Variants in ANGPT1 observed in about 807,000 individuals in gnomAD.
ANGPT1 encodes the protein angiopoietin 1.
A neutral mutation model predicts 62.2 loss-of-function variants in ANGPT1; 17 were observed. The ratio of observed to expected loss-of-function variants is 0.27; its 90% CI spans 0.19 to 0.41. ANGPT1 has a LOEUF of 0.41. ANGPT1 is among the 10% of genes least tolerant of loss of function. The probability of loss-of-function intolerance (pLI) is 1.00; values close to 1 mark genes in which losing one functional copy is unlikely to be tolerated. For missense variants in ANGPT1, 478 were observed against 594.9 expected, an observed-to-expected ratio of 0.80 and a Z score of 2.04; for synonymous variants, 199 against 198.9, an observed-to-expected ratio of 1.00 and a Z score of 0.00.
chr8:107,431,257 A>C (rs769944677), intron 1 of ANGPT1, among the ~76,000 whole-genome samples: 67 of 152,358 alleles, frequency 4.4e-4, no homozygotes, highest in Middle Eastern at 3.4e-3. Context: ...AGCATAAAAA[A>C]AATTGACTGT....
chr8:107,271,409 GT>G (rs1443946710), intron 7 of ANGPT1, among the ~76,000 whole-genome samples: 1 of 151,952 alleles, frequency 6.6e-6, no homozygotes, highest in Non-Finnish European at 1.5e-5. Flanking sequence ...AAAATATACA[GT>G]AGTTCAATAG....
chr8:107,286,544 CGTTTTATTTTTTTTTATTA>C (rs543019096), intron 6 of ANGPT1, among the ~76,000 whole-genome samples: 28 of 151,906 alleles, frequency 1.8e-4, no homozygotes, highest in Non-Finnish European at 2.1e-4. Flanking sequence ...CTTTGGCCCT[CGTTTTATTTTTTTTTATTA>C]ATGGGTATGT....
At chr8:107,365,421 C>T (rs776378765) in intron 1 of ANGPT1, among the ~76,000 whole-genome samples, 3 of 152,122 alleles carry the variant, frequency 2.0e-5, no homozygotes, top group Admixed American at 6.6e-5. Context: ...TAACTAAAAA[C>T]GTCCTTGTGG....
intron 1 of ANGPT1, among the ~76,000 whole-genome samples, chr8:107,408,235 T>G (rs932677804): frequency 2.6e-5 from 4 of 152,194 alleles, no homozygotes; most frequent in African/African-American, 9.6e-5. Context: ...AACTTCTAAA[T>G]GTTTGCTATT....
At chr8:107,450,058 G>T (rs1436816827) in intron 1 of ANGPT1, among the ~76,000 whole-genome samples, 1 of 151,942 alleles carries the variant, frequency 6.6e-6, no homozygotes, top group African/African-American at 2.4e-5. Context: ...TTGATTAAGG[G>T]CACAAAATTA....
intron 7 of ANGPT1, among the ~76,000 whole-genome samples, chr8:107,279,413 A>G (rs1813943708): frequency 6.6e-6 from 1 of 152,196 alleles, no homozygotes; most frequent in Non-Finnish European, 1.5e-5. Context: ...GAATAAACAT[A>G]TACTATATCT....
chr8:107,387,326 A>C (rs1211051608), intron 1 of ANGPT1, among the ~76,000 whole-genome samples: 2 of 152,098 alleles, frequency 1.3e-5, no homozygotes, highest in African/African-American at 2.4e-5. Context: ...ACAAAATAGG[A>C]GTTGCTAACT....
chr8:107,353,538 G>A (rs1264378302), intron 1 of ANGPT1, among the ~76,000 whole-genome samples: 3 of 152,044 alleles, frequency 2.0e-5, no homozygotes, highest in Non-Finnish European at 4.4e-5. Flanking sequence ...TTCTTTGCTG[G>A]ACTCTGTTCT....
chr8:107,463,240 G>C (rs1469551552), intron 1 of ANGPT1, among the ~76,000 whole-genome samples: 1 of 152,082 alleles, frequency 6.6e-6, no homozygotes, highest in Non-Finnish European at 1.5e-5. Flanking sequence ...ACAAGAAGCT[G>C]AATCCGAGTG....
At chr8:107,312,044 A>G (rs540971780) in intron 4 of ANGPT1, among the ~76,000 whole-genome samples, 6 of 150,500 alleles carry the variant, frequency 4.0e-5, no homozygotes, top group African/African-American at 1.5e-4. Flanking sequence ...AGCCTGGGCG[A>G]CAGAGCGAGA....
At chr8:107,279,796 G>A (rs1305922984) in intron 7 of ANGPT1, among the ~76,000 whole-genome samples, 2 of 151,858 alleles carry the variant, frequency 1.3e-5, no homozygotes, top group Non-Finnish European at 2.9e-5. Context: ...GAGAGCACAA[G>A]TTAAAGATAG....
intron 7 of ANGPT1, among the ~76,000 whole-genome samples, chr8:107,272,851 T>C (rs962737075): frequency 3.3e-5 from 5 of 149,642 alleles, no homozygotes; most frequent in African/African-American, 1.2e-4. Context: ...ATAAGATAAA[T>C]AGTTATTCCA....
chr8:107,324,147 C>CA (rs1159031647), intron 3 of ANGPT1, among the ~76,000 whole-genome samples: 7,544 of 105,782 alleles, frequency 0.071, 635 homozygotes, highest in African/African-American at 0.23. Flanking sequence ...GCCCCCCAGC[C>CA]AAAAAAAAAA....
chr8:107,396,955 G>A (rs986084667), intron 1 of ANGPT1, among the ~76,000 whole-genome samples: 3 of 152,114 alleles, frequency 2.0e-5, no homozygotes, highest in African/African-American at 4.8e-5. Flanking sequence ...CTAGTAGTGA[G>A]GATGTTCAGT....
chr8:107,337,638 A>T (rs138725037), intron 2 of ANGPT1, among the ~76,000 whole-genome samples: 1 of 152,300 alleles, frequency 6.6e-6, no homozygotes, highest in African/African-American at 2.4e-5. Flanking sequence ...TAACTACCAC[A>T]TCTTTCCTAA....
chr8:107,469,562 T>C (rs529348737), intron 1 of ANGPT1, among the ~76,000 whole-genome samples: 4 of 152,132 alleles, frequency 2.6e-5, no homozygotes, highest in African/African-American at 7.2e-5. Flanking sequence ...GGCTTTGTTA[T>C]ATACAAAGAA....
chr8:107,293,858 C>T (rs2130180008), intron 6 of ANGPT1, 78 bp downstream of exon 6: 1 of 1,136,356 alleles, frequency 8.8e-7, no homozygotes, highest in Non-Finnish European at 1.2e-6. Flanking sequence ...CCTAAAAATA[C>T]CAAGATTCAT....
At chr8:107,324,290 G>A (rs922903919) in intron 3 of ANGPT1, among the ~76,000 whole-genome samples, 5 of 151,340 alleles carry the variant, frequency 3.3e-5, no homozygotes, top group Non-Finnish European at 5.9e-5. Flanking sequence ...AAACAGATTC[G>A]TTGCAGATGT....
chr8:107,264,118 T>C, intron 8 of ANGPT1, 103 bp downstream of exon 8: 1 of 1,398,970 alleles, frequency 7.1e-7, no homozygotes, highest in Non-Finnish European at 9.5e-7. Flanking sequence ...GGACTTGCTC[T>C]TAAGTTTCCT....
Sources: allele counts gnomAD v4.1 joint callset (sites outside exome capture counted in the v4.1 genomes callset), GRCh38; gene constraint gnomAD v4.1.1; transcripts MANE v1.5; gene names NCBI Gene and HGNC (gene_info 2026-07-23, HGNC 2026-07-21).